Variants in LHFPL3 observed in about 807,000 individuals in gnomAD.
The protein encoded by LHFPL3 is LHFPL tetraspan subfamily member 3 protein.
A neutral mutation model predicts 19.3 loss-of-function variants in LHFPL3; 5 were observed. The ratio of observed to expected loss-of-function variants is 0.26; its 90% CI spans 0.14 to 0.54. The LOEUF (loss-of-function observed/expected upper bound fraction) is 0.54. Ranked by LOEUF, LHFPL3 falls within the 20% of genes least tolerant of loss-of-function variation. LHFPL3 has a pLI of 0.94. For synonymous variants in LHFPL3, 133 were observed against 126.2 expected (o/e 1.05, Z -0.36); for missense variants, 249 against 307.4 (o/e 0.81, Z 1.42).
At chr7:104,389,011 T>G (rs1791006193) in intron 1 of LHFPL3, among the ~76,000 whole-genome samples, 1 of 152,086 alleles carries the variant, frequency 6.6e-6, no homozygotes, top group African/African-American at 2.4e-5. Flanking sequence ...ATACCAGAGG[T>G]TCTAGCCAAG....
intron 1 of LHFPL3, among the ~76,000 whole-genome samples, chr7:104,449,731 G>T (rs1261280917): frequency 6.6e-6 from 1 of 152,176 alleles, no homozygotes; most frequent in African/African-American, 2.4e-5. Flanking sequence ...AGAACAGTTT[G>T]AGACCAAAGG....
At chr7:104,808,730 C>G (rs1326418436) in intron 2 of LHFPL3, among the ~76,000 whole-genome samples, 1 of 152,116 alleles carries the variant, frequency 6.6e-6, no homozygotes, top group East Asian at 1.9e-4. Context: ...TTATTAGATA[C>G]TCTAAGGCCG....
At chr7:104,626,391 A>T (rs1211294972) in intron 1 of LHFPL3, among the ~76,000 whole-genome samples, 2 of 152,168 alleles carry the variant, frequency 1.3e-5, no homozygotes, top group Admixed American at 6.5e-5. Context: ...AAATAAACCA[A>T]ATTCCTCTGG....
At chr7:104,874,213 T>C (rs1791890764) in intron 2 of LHFPL3, among the ~76,000 whole-genome samples, 1 of 152,206 alleles carries the variant, frequency 6.6e-6, no homozygotes, top group South Asian at 2.1e-4. Context: ...CAAATCACAA[T>C]TGATGCCAAT....
At chr7:104,624,678 T>C (rs1324536611) in intron 1 of LHFPL3, among the ~76,000 whole-genome samples, 1 of 152,168 alleles carries the variant, frequency 6.6e-6, no homozygotes, top group African/African-American at 2.4e-5. Context: ...GATAGGTGGA[T>C]GGATGAAGAG....
chr7:104,717,003 C>A (rs1333911030), intron 1 of LHFPL3, among the ~76,000 whole-genome samples: 1 of 152,088 alleles, frequency 6.6e-6, no homozygotes, highest in Non-Finnish European at 1.5e-5. Flanking sequence ...GAATAGAGAT[C>A]CCAGAAATAA....
intron 1 of LHFPL3, among the ~76,000 whole-genome samples, chr7:104,366,521 GT>G (rs1277941837): frequency 2.0e-5 from 3 of 152,204 alleles, no homozygotes; most frequent in Non-Finnish European, 4.4e-5. Context: ...AGGTTGGCAT[GT>G]GCAGGTCTTG....
intron 1 of LHFPL3, among the ~76,000 whole-genome samples, chr7:104,680,596 C>G (rs1562964415): frequency 6.6e-6 from 1 of 152,196 alleles, no homozygotes; most frequent in Non-Finnish European, 1.5e-5. Context: ...CTTGTAGGAC[C>G]TAACACTTCT....
chr7:104,614,589 C>CTCT lies in LHFPL3; in HGVS notation c.446-122085_446-122083dup, dbSNP rs1554415246. The stretch of plus-strand genomic sequence containing the variant: ...TCCAAAGAGCCTCCTCTTCTCTTCT[C>CTCT]TCTCTTCTCTTCTCTTCTCTTCTCT... On this transcript the variant is annotated intron_variant, in intron 1 of 2. Transcript: ENST00000424859. Among the ~76,000 whole-genome samples the CTCT allele has an allele frequency of 2.3e-3, 146 of 63,908 alleles. 12 individuals are homozygous for CTCT. Among genetic ancestry groups the CTCT allele is most frequent in the Middle Eastern group, 0.016 (2 of 128 alleles). 41.9% of individuals were successfully genotyped at this position (63,908 alleles called of 152,430 possible).
intron 1 of LHFPL3, among the ~76,000 whole-genome samples, chr7:104,352,933 G>C (rs1002507638): frequency 6.6e-6 from 1 of 152,174 alleles, no homozygotes; most frequent in Non-Finnish European, 1.5e-5. Context: ...AAAGTTGGCA[G>C]CTGAGATTGA....
intron 1 of LHFPL3, among the ~76,000 whole-genome samples, chr7:104,332,970 G>C (rs1469721990): frequency 6.7e-5 from 10 of 149,990 alleles, no homozygotes; most frequent in Admixed American, 6.6e-4. Flanking sequence ...GAGGCTTTCT[G>C]TGTGATTTCT....
intron 1 of LHFPL3, among the ~76,000 whole-genome samples, chr7:104,484,688 G>A (rs1244761949): frequency 6.6e-6 from 1 of 152,198 alleles, no homozygotes; most frequent in Non-Finnish European, 1.5e-5. Flanking sequence ...TAGTTCTGGA[G>A]GCTGGGAAGT....
chr7:104,620,676 T>G (rs1055945941), intron 1 of LHFPL3, among the ~76,000 whole-genome samples: 1 of 152,162 alleles, frequency 6.6e-6, no homozygotes, highest in African/African-American at 2.4e-5. Flanking sequence ...CCCCCAGTGA[T>G]TTCCACTTCT....
intron 2 of LHFPL3, among the ~76,000 whole-genome samples, chr7:104,753,458 A>C (rs1794215978): frequency 6.6e-6 from 1 of 152,384 alleles, no homozygotes; most frequent in Admixed American, 6.5e-5. Context: ...AAATGTTTTG[A>C]AAATATTTGA....
At chr7:104,498,917 G>A (rs993835693) in intron 1 of LHFPL3, among the ~76,000 whole-genome samples, 2 of 152,200 alleles carry the variant, frequency 1.3e-5, no homozygotes, top group African/African-American at 4.8e-5. Context: ...ATGGAAAGTT[G>A]TATTCAACCT....
intron 2 of LHFPL3, among the ~76,000 whole-genome samples, chr7:104,848,906 T>TG (rs1791363942): frequency 6.6e-6 from 1 of 151,230 alleles, no homozygotes; most frequent in African/African-American, 2.5e-5. Context: ...TTTGGTTTTT[T>TG]TTTTGTTGTT....
At chr7:104,712,481 CA>C in intron 1 of LHFPL3, among the ~76,000 whole-genome samples, 1 of 152,214 alleles carries the variant, frequency 6.6e-6, no homozygotes. Flanking sequence ...AATTACCTCA[CA>C]AAATGCCACC....
At chr7:104,559,771 G>A (rs1789944200) in intron 1 of LHFPL3, among the ~76,000 whole-genome samples, 1 of 150,930 alleles carries the variant, frequency 6.6e-6, no homozygotes. Context: ...TTTTCAGAGG[G>A]AATGCTTCCA....
intron 1 of LHFPL3, among the ~76,000 whole-genome samples, chr7:104,609,230 A>C (rs1791166004): frequency 6.6e-6 from 1 of 151,860 alleles, no homozygotes; most frequent in Non-Finnish European, 1.5e-5. Flanking sequence ...GTGCCACTAC[A>C]CTCCAGCCCA....
Sources: allele counts gnomAD v4.1 joint callset (sites outside exome capture counted in the v4.1 genomes callset), GRCh38; gene constraint gnomAD v4.1.1; transcripts MANE v1.5; gene names NCBI Gene and HGNC (gene_info 2026-07-23, HGNC 2026-07-21).